Variants in BBS9 observed in about 807,000 individuals in gnomAD.
BBS9 encodes the protein protein PTHB1.
A neutral mutation model predicts 117.7 loss-of-function variants in BBS9; 89 were observed. That is an observed-to-expected ratio of 0.76 (90% CI 0.64 to 0.90). The LOEUF (loss-of-function observed/expected upper bound fraction) is 0.90, where lower values mean the gene tolerates loss of function less well. Among genes scored for constraint, BBS9 ranks in the 40% least tolerant of loss-of-function variants. The pLI is 0.00. For missense variants in BBS9, 982 were observed against 1,042.2 expected (o/e 0.94, Z 0.80); for synonymous variants, 379 against 370.9 (o/e 1.02, Z -0.25).
chr7:33,303,303 G>A (rs917360422), intron 9 of BBS9, among the ~76,000 whole-genome samples: 8 of 152,154 alleles, frequency 5.3e-5, no homozygotes, highest in African/African-American at 1.7e-4. Flanking sequence ...GTACTATTTT[G>A]AATAACAGTG....
chr7:33,200,032 T>G (rs1282527962), intron 5 of BBS9, among the ~76,000 whole-genome samples: 1 of 151,930 alleles, frequency 6.6e-6, no homozygotes, highest in African/African-American at 2.4e-5. Context: ...TTTCTGATGG[T>G]TCACTCCTTA....
intron 19 of BBS9, 69 bp downstream of exon 19, chr7:33,388,213 A>G: frequency 6.5e-7 from 1 of 1,542,264 alleles, no homozygotes; most frequent in South Asian, 1.1e-5. Flanking sequence ...AGAGTCATGT[A>G]CCAGAATATC....
intron 19 of BBS9, among the ~76,000 whole-genome samples, chr7:33,428,627 G>A (rs1454630141): frequency 1.3e-5 from 2 of 152,156 alleles, no homozygotes; most frequent in Admixed American, 1.3e-4. Flanking sequence ...AGCTGAGGAT[G>A]GAAAATTGCA....
chr7:33,220,610 A>T (rs1413257977), intron 5 of BBS9, among the ~76,000 whole-genome samples: 2 of 152,184 alleles, frequency 1.3e-5, no homozygotes, highest in Non-Finnish European at 1.5e-5. Context: ...AAGATAATTC[A>T]TTTTCTGGCA....
At chr7:33,289,751 A>T (rs1444124996) in intron 9 of BBS9, among the ~76,000 whole-genome samples, 1 of 152,058 alleles carries the variant, frequency 6.6e-6, no homozygotes, top group Non-Finnish European at 1.5e-5. Flanking sequence ...AATATTTAAA[A>T]ATTTTCTTGG....
At chr7:33,248,230 T>G (rs772376656) in intron 5 of BBS9, among the ~76,000 whole-genome samples, 6 of 152,198 alleles carry the variant, frequency 3.9e-5, no homozygotes, top group Non-Finnish European at 8.8e-5. Context: ...ATATTAGCTA[T>G]TCAGCTCAAC....
At chr7:33,570,056 A>G (rs912453888) in intron 21 of BBS9, among the ~76,000 whole-genome samples, 18 of 152,228 alleles carry the variant, frequency 1.2e-4, no homozygotes, top group Admixed American at 1.0e-3. Context: ...GCACTGTCCC[A>G]TATGAGAAAA....
At chr7:33,288,466 G>T (rs1803341776) in intron 9 of BBS9, among the ~76,000 whole-genome samples, 2 of 152,114 alleles carry the variant, frequency 1.3e-5, no homozygotes, top group Admixed American at 1.3e-4. Context: ...CGTTAACGTT[G>T]AATAATGTAA....
At chr7:33,556,732 G>GGT (rs1180690467) in intron 21 of BBS9, among the ~76,000 whole-genome samples, 1 of 152,124 alleles carries the variant, frequency 6.6e-6, no homozygotes, top group Non-Finnish European at 1.5e-5. Context: ...TGGAGTCCTT[G>GGT]GTGGGCATCT....
chr7:33,145,678 G>A (rs1376839815), intron 1 of BBS9, among the ~76,000 whole-genome samples: 12 of 152,078 alleles, frequency 7.9e-5, no homozygotes, highest in Admixed American at 7.2e-4. Flanking sequence ...CCGTGTCCCC[G>A]GGTTTCACAT....
In BBS9 at chr7:33,558,614, CT is replaced by C. The variant is rs895072095; in HGVS notation, c.2521+24447del. Among the ~76,000 whole-genome samples the C allele has an allele frequency of 1.8e-4, 27 of 151,054 alleles. 1 individual carries two copies. The highest frequency in any genetic ancestry group is 7.8e-4 in the East Asian group (4 of 5,130). On this transcript the variant is annotated intron_variant, in intron 21 of 22. Transcript: ENST00000242067. The stretch of plus-strand genomic sequence containing the variant: ...AGAAATGAAAATTCTTGAAACAGGC[CT>C]TTTTTTTTATGAACCTATTATCTCT...
At chr7:33,512,175 A>G (rs1585073985) in intron 20 of BBS9, among the ~76,000 whole-genome samples, 1 of 152,316 alleles carries the variant, frequency 6.6e-6, no homozygotes, top group East Asian at 1.9e-4. Flanking sequence ...ACTTAATTGT[A>G]TAATATTCTG....
chr7:33,253,020 C>T lies in BBS9; in HGVS notation c.443-4216C>T, dbSNP rs191546797. Among the ~76,000 whole-genome samples, 233 of 152,202 alleles carry T rather than the reference C, an allele frequency of 1.5e-3. 1 individual carries two copies. The highest frequency in any genetic ancestry group is 5.1e-3 in the African/African-American group (210 of 41,514). On this transcript the variant is annotated intron_variant, in intron 5 of 22. Transcript: ENST00000242067. ...ATCTTGCACCACTTTACCATAAATA[C>T]GTCAGCACACATCTCCCAATGAGAA...
chr7:33,234,093 C>T (rs1022757819), intron 5 of BBS9, among the ~76,000 whole-genome samples: 2 of 152,162 alleles, frequency 1.3e-5, no homozygotes, highest in African/African-American at 4.8e-5. Flanking sequence ...TCAATGATCA[C>T]ATCGACTGTG....
chr7:33,318,468 A>G (rs1269352284), intron 9 of BBS9, among the ~76,000 whole-genome samples: 4 of 151,638 alleles, frequency 2.6e-5, no homozygotes, highest in African/African-American at 9.7e-5. Flanking sequence ...CATTGTCCCT[A>G]CCCTTCAATC....
chr7:33,223,489 T>C (rs1790661474), intron 5 of BBS9, among the ~76,000 whole-genome samples: 1 of 152,224 alleles, frequency 6.6e-6, no homozygotes, highest in Non-Finnish European at 1.5e-5. Context: ...CTTTTCCTCA[T>C]GTTTTTCATT....
At chr7:33,550,227 A>G (rs1854168633) in intron 21 of BBS9, among the ~76,000 whole-genome samples, 2 of 152,192 alleles carry the variant, frequency 1.3e-5, no homozygotes, top group African/African-American at 2.4e-5. Flanking sequence ...TCCAACAATA[A>G]GATGAATGTT....
At chr7:33,287,056 A>G (rs1803039846) in intron 9 of BBS9, among the ~76,000 whole-genome samples, 1 of 152,178 alleles carries the variant, frequency 6.6e-6, no homozygotes, top group South Asian at 2.1e-4. Flanking sequence ...TCTATTAAGT[A>G]GTATATGACC....
chr7:33,412,905 C>T (rs1489598701), intron 19 of BBS9, among the ~76,000 whole-genome samples: 1 of 152,070 alleles, frequency 6.6e-6, no homozygotes, highest in East Asian at 1.9e-4. Flanking sequence ...ACCATTCTTC[C>T]TTGAGTTAGC....
Sources: gnomAD v4.1 joint callset for allele counts (sites outside exome capture counted in the v4.1 genomes callset) on GRCh38, gnomAD v4.1.1 for gene constraint, MANE v1.5 for transcripts, NCBI Gene and HGNC (gene_info 2026-07-23, HGNC 2026-07-21) for gene names.